Variants in GPBP1 observed in about 807,000 individuals in gnomAD.
GPBP1 encodes vasculin.
GPBP1 carries 13 observed loss-of-function variants against 56.5 expected under a neutral mutation model. The observed-to-expected ratio is 0.23, with a 90% CI of 0.15 to 0.37. GPBP1 has a LOEUF of 0.37. Ranked by LOEUF, GPBP1 falls within the 10% of genes least tolerant of loss-of-function variation. The probability of loss-of-function intolerance (pLI) is 1.00; values close to 1 mark genes in which losing one functional copy is unlikely to be tolerated. For missense variants in GPBP1, 477 were observed against 572.3 expected, an observed-to-expected ratio of 0.83 and a Z score of 1.70; for synonymous variants, 204 against 188.9, an observed-to-expected ratio of 1.08 and a Z score of -0.66.
chr5:57,219,471 A>T lies in GPBP1; in HGVS notation c.63+5278A>T, dbSNP rs9716500. Among the ~76,000 whole-genome samples, 559 of 150,084 alleles carry T rather than the reference A, an allele frequency of 3.7e-3. 4 individuals are homozygous for T. Among genetic ancestry groups the T allele is most frequent in the African/African-American group, 0.011 (440 of 40,930 alleles). ...CACAAAAAACAAATAATTAAAATTT[A>T]AAAAAAAAGGTACTTGAAATTGTTG... On this transcript the variant is annotated intron_variant, in intron 3 of 11. Coordinates refer to ENST00000506184, the MANE Select transcript of GPBP1 (RefSeq NM_022913.4).
chr5:57,254,896 A>AT (rs1158014823), intron 10 of GPBP1, among the ~76,000 whole-genome samples: 1 of 152,182 alleles, frequency 6.6e-6, no homozygotes, highest in Non-Finnish European at 1.5e-5. Context: ...TAACCACACT[A>AT]TTTTTATTGC....
At chr5:57,202,841 G>A (rs1755078443) in intron 2 of GPBP1, among the ~76,000 whole-genome samples, 1 of 152,160 alleles carries the variant, frequency 6.6e-6, no homozygotes, top group African/African-American at 2.4e-5. Context: ...CAATAAATGA[G>A]TTGATTTAAA....
At chr5:57,228,480 A>G (rs1277962845) in intron 3 of GPBP1, among the ~76,000 whole-genome samples, 1 of 151,794 alleles carries the variant, frequency 6.6e-6, no homozygotes, top group Non-Finnish European at 1.5e-5. Context: ...CTGCATCTAT[A>G]TCTGTATCTC....
At chr5:57,201,955 T>A (rs947475642) in intron 2 of GPBP1, among the ~76,000 whole-genome samples, 2 of 152,172 alleles carry the variant, frequency 1.3e-5, no homozygotes, top group African/African-American at 2.4e-5. Flanking sequence ...ATTACTTTAA[T>A]CTTTCATAAT....
chr5:57,245,011 A>T (rs902230528), intron 6 of GPBP1, among the ~76,000 whole-genome samples: 1 of 152,212 alleles, frequency 6.6e-6, no homozygotes, highest in Non-Finnish European at 1.5e-5. Context: ...CAGGGATTAC[A>T]GGCTTAAGCC....
intron 2 of GPBP1, among the ~76,000 whole-genome samples, chr5:57,211,294 T>G (rs915260639): frequency 6.6e-6 from 1 of 152,086 alleles, no homozygotes; most frequent in South Asian, 2.1e-4. Context: ...TCAAGCAGTC[T>G]TCTTCCCTCA....
intron 2 of GPBP1, among the ~76,000 whole-genome samples, chr5:57,199,089 G>A (rs577461118): frequency 7.2e-5 from 11 of 152,042 alleles, no homozygotes; most frequent in Non-Finnish European, 1.6e-4. Context: ...TTACAATGGC[G>A]GGGTACACTT....
At chr5:57,222,557 C>T (rs1755998636) in intron 3 of GPBP1, among the ~76,000 whole-genome samples, 1 of 151,898 alleles carries the variant, frequency 6.6e-6, no homozygotes, top group Non-Finnish European at 1.5e-5. Flanking sequence ...TCTCTAGTAT[C>T]TTTCTATAGT....
At chr5:57,228,600 C>G (rs1472457424) in intron 3 of GPBP1, among the ~76,000 whole-genome samples, 1 of 151,382 alleles carries the variant, frequency 6.6e-6, no homozygotes. Flanking sequence ...ATAGATCTGT[C>G]TCTAAGGGGG....
At chr5:57,185,363 G>T (rs1427532639) in intron 2 of GPBP1, among the ~76,000 whole-genome samples, 1 of 151,532 alleles carries the variant, frequency 6.6e-6, no homozygotes, top group African/African-American at 2.4e-5. Context: ...CCGGGTTTAA[G>T]TGATTCTCCT....
intron 2 of GPBP1, among the ~76,000 whole-genome samples, chr5:57,193,039 G>A (rs775749467): frequency 6.6e-6 from 1 of 152,090 alleles, no homozygotes; most frequent in Non-Finnish European, 1.5e-5. Flanking sequence ...ACTGTTGGCC[G>A]GGCACGGTGA....
intron 3 of GPBP1, among the ~76,000 whole-genome samples, chr5:57,214,412 C>G (rs189477288): frequency 1.3e-3 from 191 of 152,050 alleles, no homozygotes; most frequent in African/African-American, 4.4e-3. Context: ...ATGGAGAAAC[C>G]CTGTCTCTAC....
At chr5:57,189,845 A>G (rs890152507) in intron 2 of GPBP1, among the ~76,000 whole-genome samples, 4 of 151,962 alleles carry the variant, frequency 2.6e-5, no homozygotes, top group African/African-American at 9.7e-5. Context: ...AACACGAGAC[A>G]TTTTTCTTTA....
Position 57,262,620 on chromosome 5 carries a change from T to C in GPBP1, c.1290T>C (p.Asn430=). Residue 430 remains asparagine, a synonymous_variant, in exon 12 of 12, where the codon AAT becomes AAC. Transcript: ENST00000506184. ...TACAGAAGAATGGTCTGAGAAAAAATGGTATTTTGAAAAATGGCTTGATCT... is the reference window on the plus strand; with the variant it reads ...TACAGAAGAATGGTCTGAGAAAAAACGGTATTTTGAAAAATGGCTTGATCT... ...EQLQKNGLRK[N]GILKNGLICD... The C allele has an allele frequency of 6.2e-7, 1 of 1,613,290 alleles. No homozygotes were observed. Among genetic ancestry groups the C allele is most frequent in the Non-Finnish European group, 8.5e-7 (1 of 1,179,490 alleles).
chr5:57,217,519 C>T (rs764450912), intron 3 of GPBP1, among the ~76,000 whole-genome samples: 11 of 149,828 alleles, frequency 7.3e-5, no homozygotes, highest in South Asian at 2.1e-4. Context: ...TGTGGTGAGC[C>T]GAGATTGTGC....
At chr5:57,229,294 C>T (rs1005381443) in intron 3 of GPBP1, among the ~76,000 whole-genome samples, 3 of 136,866 alleles carry the variant, frequency 2.2e-5, no homozygotes, top group Admixed American at 1.5e-4. Context: ...TCAACCCTTA[C>T]TGTCATTATA....
chr5:57,199,872 G>A (rs530686893), intron 2 of GPBP1, among the ~76,000 whole-genome samples: 12 of 150,300 alleles, frequency 8.0e-5, no homozygotes, highest in African/African-American at 2.9e-4. Flanking sequence ...ATTAAGTGGT[G>A]TTTGGTTGAC....
intron 8 of GPBP1, 145 bp from the exon 9 acceptor site, chr5:57,249,264 G>C (rs1741246687): frequency 3.7e-6 from 2 of 547,500 alleles, no homozygotes; most frequent in South Asian, 7.1e-5. Flanking sequence ...AAAAAACAGG[G>C]ATAGAACTAG....
At chr5:57,196,944 G>T (rs1425847439) in intron 2 of GPBP1, among the ~76,000 whole-genome samples, 1 of 151,890 alleles carries the variant, frequency 6.6e-6, no homozygotes, top group African/African-American at 2.4e-5. Flanking sequence ...ACCATACCTG[G>T]CTAATTTTTT....
Sources: allele counts gnomAD v4.1 joint callset (sites outside exome capture counted in the v4.1 genomes callset), GRCh38; gene constraint gnomAD v4.1.1; transcripts MANE v1.5; gene names NCBI Gene and HGNC (gene_info 2026-07-23, HGNC 2026-07-21).